The following SULF1 variants were observed in gnomAD, a reference collection of about 807,000 sequenced individuals.
SULF1 encodes extracellular sulfatase Sulf-1.
A neutral mutation model predicts 110.5 loss-of-function variants in SULF1; 46 were observed. The observed-to-expected ratio is 0.42, with a 90% CI of 0.33 to 0.53. The LOEUF is 0.53. Among genes scored for constraint, SULF1 ranks in the 20% least tolerant of loss-of-function variants. SULF1 has a pLI of 0.12. For missense variants in SULF1, 941 were observed against 1,094.2 expected, an observed-to-expected ratio of 0.86 and a Z score of 1.98; for synonymous variants, 371 against 387.1, an observed-to-expected ratio of 0.96 and a Z score of 0.49.
At chr8:69,566,476 C>G (rs575041984) in intron 5 of SULF1, among the ~76,000 whole-genome samples, 1 of 152,274 alleles carries the variant, frequency 6.6e-6, no homozygotes, top group South Asian at 2.1e-4. Context: ...GGGTTATAGA[C>G]CAGGCTCAGC....
chr8:69,497,109 T>G (rs1810415556), intron 2 of SULF1, among the ~76,000 whole-genome samples: 1 of 152,116 alleles, frequency 6.6e-6, no homozygotes, highest in Non-Finnish European at 1.5e-5. Context: ...TGGAACCAGT[T>G]ATTACTTTCC....
intron 3 of SULF1, among the ~76,000 whole-genome samples, chr8:69,527,334 G>A (rs1252762096): frequency 1.3e-5 from 2 of 151,998 alleles, no homozygotes; most frequent in Non-Finnish European, 2.9e-5. Context: ...TCCCTACAAA[G>A]TCTTGTAGTA....
chr8:69,520,492 G>A (rs1279050178), intron 3 of SULF1, among the ~76,000 whole-genome samples: 2 of 152,104 alleles, frequency 1.3e-5, no homozygotes, highest in African/African-American at 4.8e-5. Flanking sequence ...GAAATTTTAA[G>A]ATAGGATAAC....
At chr8:69,586,530 A>G (rs764670606) in intron 7 of SULF1, 22 bp downstream of exon 7, 9 of 1,602,636 alleles carry the variant, frequency 5.6e-6, no homozygotes, top group Admixed American at 1.7e-5. Flanking sequence ...GCACTTTTAC[A>G]CTGCATCAAT....
At chr8:69,538,851 C>A (rs1301600107) in intron 3 of SULF1, among the ~76,000 whole-genome samples, 2 of 152,122 alleles carry the variant, frequency 1.3e-5, no homozygotes, top group African/African-American at 4.8e-5. Flanking sequence ...TGCCACCATG[C>A]CTGGCTAATT....
Position 69,638,846 on chromosome 8 carries a change from A to G in SULF1, c.2539A>G (p.Asn847Asp). Residue 847 changes from asparagine (N) to aspartate (D), a missense_variant, in exon 21 of 23, where the codon AAT becomes GAT. Physicochemically the swap from Asn to Asp is conservative, Grantham distance 23. Around this residue, in one of 3 missense-constraint regions of SULF1, gnomAD observed 112 missense variants for 133.5 expected, o/e 0.84. Transcript: ENST00000402687. The stretch of plus-strand genomic sequence containing the variant: ...TAAGCAGTGCAACCCAAGACCTAAG[A>G]ATCTTGATGTTGGTAAGGAAAAAAA... Reference protein sequence around the residue: ...GYKQCNPRPKNLDVGNKDGGS... With the variant: ...GYKQCNPRPKDLDVGNKDGGS... 1.2e-6 allele frequency: 2 copies of G among 1,604,292 alleles called. No homozygotes were observed. The highest frequency in any genetic ancestry group is 1.7e-6 in the Non-Finnish European group (2 of 1,177,608).
chr8:69,484,433 A>C (rs1379033221), intron 1 of SULF1, among the ~76,000 whole-genome samples: 1 of 152,212 alleles, frequency 6.6e-6, no homozygotes, highest in African/African-American at 2.4e-5. Context: ...CTAAATACTT[A>C]AAGACAGGAC....
At chr8:69,502,690 C>CTTTTTTTTTTTTTTTTTTT (rs765285613) in intron 3 of SULF1, among the ~76,000 whole-genome samples, 2 of 125,912 alleles carry the variant, frequency 1.6e-5, no homozygotes, top group African/African-American at 6.0e-5. Context: ...CTTTTTTTTT[C>CTTTTTTTTTTTTTTTTTTT]TTTTTTTTTT....
chr8:69,547,877 AGG>A (rs1476071739), intron 3 of SULF1, among the ~76,000 whole-genome samples: 16 of 152,206 alleles, frequency 1.1e-4, no homozygotes, highest in African/African-American at 3.9e-4. Context: ...AACAAATTGC[AGG>A]TAGTGTTAAT....
In SULF1 at chr8:69,545,085, CTT is replaced by C. The variant is rs56914726; in HGVS notation, c.-133-18440_-133-18439del. Among the ~76,000 whole-genome samples, 542 of 134,934 alleles carry C rather than the reference CTT, an allele frequency of 4.0e-3. 3 individuals carry two copies. The highest frequency in any genetic ancestry group is 0.013 in the African/African-American group (496 of 36,944). The allele number at this position is 134,934 out of a possible 152,430, so 88.5% of individuals were successfully genotyped here. ...AAAATTATAAAAAGATAAAGGAATTCTTTTTTTTTTTTTTTCATTTCTATGGC... is the reference window on the plus strand; with the variant it reads ...AAAATTATAAAAAGATAAAGGAATTCTTTTTTTTTTTTTCATTTCTATGGC... On this transcript the variant is annotated intron_variant, in intron 3 of 22. Coordinates refer to ENST00000402687, the MANE Select transcript of SULF1 (RefSeq NM_001128205.2).
chr8:69,636,265 G>C lies in SULF1; in HGVS notation c.2285-2237G>C, dbSNP rs926572535. Among the ~76,000 whole-genome samples, 5 of 152,252 alleles carry C rather than the reference G, an allele frequency of 3.3e-5. No individual in the cohort carries two copies. The East Asian group carries it at 9.6e-4, about 29-fold the overall frequency. On this transcript the variant is annotated intron_variant, in intron 19 of 22. Transcript: ENST00000402687. ...AAAATTCATGTTTCAGACCGGGCGCGGTGGCTCACACCTGTAATCCCAACA... is the reference window on the plus strand; with the variant it reads ...AAAATTCATGTTTCAGACCGGGCGCCGTGGCTCACACCTGTAATCCCAACA...
At chr8:69,627,993 C>T (rs1810229618) in intron 17 of SULF1, 127 bp downstream of exon 17, 1 of 894,610 alleles carries the variant, frequency 1.1e-6, no homozygotes, top group Non-Finnish European at 1.8e-6. Flanking sequence ...ATAACCTAAG[C>T]TATTTAAGTA....
chr8:69,504,428 G>T (rs190365980), intron 3 of SULF1, among the ~76,000 whole-genome samples: 2 of 151,948 alleles, frequency 1.3e-5, no homozygotes, highest in African/African-American at 4.8e-5. Context: ...GGTGGTGCGC[G>T]CCTGTAATCC....
rs148950847 is a variant in SULF1, at chr8:69,501,946, A to G, written c.-156A>G. 3.3e-5 allele frequency: 5 copies of G among 152,374 alleles called. No individual in the cohort carries two copies. The highest frequency in any genetic ancestry group is 5.9e-5 in the Non-Finnish European group (4 of 68,048). 9.4% of individuals were successfully genotyped at this position (152,374 alleles called of 1,614,324 possible). ...TGACATGCAGGTTCTTCAAGGCAGA[A>G]TAATTGCAGAAAATCTTCAAAGGTA... On this transcript the variant is annotated 5_prime_UTR_variant, in exon 3 of 23. Transcript: ENST00000402687.
intron 1 of SULF1, among the ~76,000 whole-genome samples, chr8:69,472,166 T>G (rs1809113784): frequency 6.6e-6 from 1 of 152,154 alleles, no homozygotes; most frequent in Non-Finnish European, 1.5e-5. Context: ...GAGCAGGCCC[T>G]GGGCCACTGT....
chr8:69,508,963 C>A (rs1811379558), intron 3 of SULF1, among the ~76,000 whole-genome samples: 1 of 152,144 alleles, frequency 6.6e-6, no homozygotes, highest in Non-Finnish European at 1.5e-5. Context: ...ATTCTTCTCT[C>A]CAAAGAACAC....
At chr8:69,621,275 C>G (rs1199213277) in intron 14 of SULF1, 24 bp downstream of exon 14, 8 of 1,579,746 alleles carry the variant, frequency 5.1e-6, no homozygotes, top group Non-Finnish European at 6.9e-6. Context: ...TTGTGACCAT[C>G]TCAATGGTGG....
intron 15 of SULF1, among the ~76,000 whole-genome samples, chr8:69,625,422 A>T (rs1310166787): frequency 6.6e-6 from 1 of 152,194 alleles, no homozygotes; most frequent in Non-Finnish European, 1.5e-5. Flanking sequence ...GGTCTCACTG[A>T]CTTCAAGAAT....
chr8:69,533,679 G>A (rs1027759096), intron 3 of SULF1, among the ~76,000 whole-genome samples: 1 of 152,062 alleles, frequency 6.6e-6, no homozygotes, highest in Non-Finnish European at 1.5e-5. Context: ...TCGATTCCAT[G>A]TTTTTGCTAT....
Sources: gnomAD v4.1 joint callset for allele counts (sites outside exome capture counted in the v4.1 genomes callset) on GRCh38, gnomAD v4.1.1 for gene constraint, gnomAD v4.1.1 regional missense constraint, MANE v1.5 for transcripts, NCBI Gene and HGNC (gene_info 2026-07-23, HGNC 2026-07-21) for gene names.